Variants in WAC observed in about 807,000 individuals in gnomAD.
WAC encodes WW domain containing adaptor with coiled-coil.
A neutral mutation model predicts 79.6 loss-of-function variants in WAC; 11 were observed. The ratio of observed to expected loss-of-function variants is 0.14; its 90% CI spans 0.09 to 0.23. WAC has a LOEUF of 0.23. Ranked by LOEUF, WAC falls within the 10% of genes least tolerant of loss-of-function variation. The probability of loss-of-function intolerance (pLI) is 1.00; values close to 1 mark genes in which losing one functional copy is unlikely to be tolerated. For missense variants in WAC, 728 were observed against 773.5 expected (o/e 0.94, Z 0.70); for synonymous variants, 304 against 276.9 (o/e 1.10, Z -0.97).
Position 28,589,716 on chromosome 10 carries a change from G to A in WAC, c.382-20G>A. Reference sequence around the variant, plus strand: ...TAAATAGTATTAACATTTTCTAATTGTAAAAAATATATTTTTAAGCCTTAT... The same window carrying A: ...TAAATAGTATTAACATTTTCTAATTATAAAAAATATATTTTTAAGCCTTAT... On this transcript the variant is annotated intron_variant, in intron 4 of 13. Transcript: ENST00000354911. 1 of 1,486,702 alleles carries A rather than the reference G, an allele frequency of 6.7e-7. No homozygotes were observed. The highest frequency in any genetic ancestry group is 9.3e-7 in the Non-Finnish European group (1 of 1,077,672). 92.1% of individuals were successfully genotyped at this position (1,486,702 alleles called of 1,614,324 possible).
intron 3 of WAC, among the ~76,000 whole-genome samples, chr10:28,567,607 A>G (rs2132526744): frequency 6.6e-6 from 1 of 152,222 alleles, no homozygotes; most frequent in East Asian, 1.9e-4. Context: ...AATTCTCTAC[A>G]TCACTGGGCC....
At chr10:28,578,083 C>A (rs180805194) in intron 3 of WAC, among the ~76,000 whole-genome samples, 1 of 152,078 alleles carries the variant, frequency 6.6e-6, no homozygotes, top group Admixed American at 6.6e-5. Flanking sequence ...CTCTTGAGCC[C>A]GGGAGGCAGA....
At chr10:28,552,190 T>C (rs1347688550) in intron 3 of WAC, among the ~76,000 whole-genome samples, 1 of 152,202 alleles carries the variant, frequency 6.6e-6, no homozygotes, top group Admixed American at 6.5e-5. Context: ...TTTTTTTTCC[T>C]CTTAGTATTT....
chr10:28,595,399 ATAT>A (rs1377238435), intron 6 of WAC, among the ~76,000 whole-genome samples: 2 of 150,782 alleles, frequency 1.3e-5, no homozygotes, highest in African/African-American at 4.9e-5. Flanking sequence ...ATTTTATAAG[ATAT>A]TATAACTCCA....
chr10:28,557,812 C>T (rs1045337346), intron 3 of WAC, among the ~76,000 whole-genome samples: 9 of 152,254 alleles, frequency 5.9e-5, no homozygotes, highest in African/African-American at 2.2e-4. Flanking sequence ...CAGTGGCTCA[C>T]GCCTGTAATC....
chr10:28,562,520 A>G (rs1322192503), intron 3 of WAC, among the ~76,000 whole-genome samples: 1 of 152,202 alleles, frequency 6.6e-6, no homozygotes, highest in Non-Finnish European at 1.5e-5. Context: ...TTGGTCTGGT[A>G]TGTATTGTCT....
In WAC at chr10:28,569,898, A is replaced by T. The variant is rs76911847; in HGVS notation, c.275-13501A>T. On this transcript the variant is annotated intron_variant, in intron 3 of 13. Coordinates refer to ENST00000354911, the MANE Select transcript of WAC (RefSeq NM_016628.5). ...GCAATATGTACTTTCCCTTGAATAA[A>T]CAACCATTTCATAGTTCAACAGCAC... Among the ~76,000 whole-genome samples the T allele has an allele frequency of 9.8e-3, 1,489 of 152,320 alleles. 16 individuals are homozygous for T. The highest frequency in any genetic ancestry group is 0.014 in the Non-Finnish European group (942 of 68,026).
At chr10:28,575,898 T>TA (rs2132579525) in intron 3 of WAC, among the ~76,000 whole-genome samples, 1 of 152,346 alleles carries the variant, frequency 6.6e-6, no homozygotes, top group African/African-American at 2.4e-5. Context: ...GGTGATCTCA[T>TA]AATGTATTTT....
At chr10:28,603,661 G>T (rs1014958297) in intron 7 of WAC, among the ~76,000 whole-genome samples, 1 of 151,804 alleles carries the variant, frequency 6.6e-6, no homozygotes, top group African/African-American at 2.4e-5. Flanking sequence ...GGCCAGGTGC[G>T]GTAGCTCACG....
rs145430177 is a variant in WAC, at chr10:28,585,947, G to T, written c.381+2442G>T. Among the ~76,000 whole-genome samples, 15 of 152,280 alleles carry T rather than the reference G, an allele frequency of 9.9e-5. No individual in the cohort carries two copies. In the East Asian group the frequency reaches 1.4e-3, roughly 14 times the overall value. On this transcript the variant is annotated intron_variant, in intron 4 of 13. Transcript: ENST00000354911. ...AATGATTCAAATCATAAGGGTGTCA[G>T]GGAACTTAATTATGTGAGTGAAAGT...
At chr10:28,601,284 C>A (rs1840635204) in intron 7 of WAC, among the ~76,000 whole-genome samples, 1 of 152,102 alleles carries the variant, frequency 6.6e-6, no homozygotes, top group Admixed American at 6.6e-5. Context: ...AGAAGATATC[C>A]TGGTGGCCAG....
rs373719749 is a variant in WAC, at chr10:28,537,390, T to G, written c.274+1633T>G. Among the ~76,000 whole-genome samples the G allele has an allele frequency of 1.4e-4, 22 of 152,340 alleles. No homozygotes were observed. The East Asian group carries it at 3.9e-3, about 27-fold the overall frequency. Reference sequence around the variant, plus strand: ...TAGCTCTTGGAGAGCAGGTACTGGTTGTACTATACTGTATTTATTTTGAAA... The same window carrying G: ...TAGCTCTTGGAGAGCAGGTACTGGTGGTACTATACTGTATTTATTTTGAAA... On this transcript the variant is annotated intron_variant, in intron 3 of 13. Transcript: ENST00000354911.
At chr10:28,613,779 TG>T (rs773486381) in intron 10 of WAC, among the ~76,000 whole-genome samples, 9 of 152,184 alleles carry the variant, frequency 5.9e-5, no homozygotes, top group Non-Finnish European at 1.2e-4. Context: ...CATCTGCCTT[TG>T]TGCCTCAATT....
In WAC at chr10:28,608,260, C is replaced by T; in HGVS notation, c.994C>T (p.Pro332Ser). Reference sequence around the variant, plus strand: ...CACGTCTTCTGCCTCTGGACTGAACCCCACATCTGCACCTCCAACATCTGC... The same window carrying T: ...CACGTCTTCTGCCTCTGGACTGAACTCCACATCTGCACCTCCAACATCTGC... Reference protein sequence around the residue: ...PSTSSASGLNPTSAPPTSASA... With the variant: ...PSTSSASGLNSTSAPPTSASA... The change falls in exon 8 of 14, where the codon CCC (proline) becomes TCC (serine). Residue 332 changes from proline to serine, a missense_variant. Transcript: ENST00000354911. The T allele has an allele frequency of 6.2e-7, 1 of 1,614,142 alleles. No homozygotes were observed. Among genetic ancestry groups the T allele is most frequent in the Non-Finnish European group, 8.5e-7 (1 of 1,180,022 alleles).
At chr10:28,615,860 T>TA in intron 11 of WAC, 1 of 223,120 alleles carries the variant, frequency 4.5e-6, no homozygotes. Context: ...CTACAGCTGT[T>TA]AAAATGTGAC....
rs1328825472 is a variant in WAC, at chr10:28,614,684, A to T, written c.1555A>T (p.Ser519Cys). Residue 519 changes from serine to cysteine, a missense_variant and splice_region_variant, in exon 11 of 14, where the codon AGT (serine) becomes TGT (cysteine). By Grantham distance (112) the Ser-to-Cys change is moderately radical. This residue lies in a region of WAC where 648 missense variants were observed against 661.5 expected (regional missense o/e 0.98). Coordinates refer to ENST00000354911, the MANE Select transcript of WAC (RefSeq NM_016628.5). ...CTCTCCTCGAAGTCTTCAGCGCTCA[A>T]GGTAGGTTGATATTGTATATTGAGA... The part of the protein sequence containing the change: ...PVSPRSLQRS[S>C]SQRSPSPGPN... 8.7e-6 allele frequency: 14 copies of T among 1,611,712 alleles called. No individual in the cohort carries two copies. The highest frequency in any genetic ancestry group is 1.2e-5 in the Non-Finnish European group (14 of 1,177,926).
chr10:28,560,008 A>G (rs1327538431), intron 3 of WAC, among the ~76,000 whole-genome samples: 1 of 152,138 alleles, frequency 6.6e-6, no homozygotes, highest in African/African-American at 2.4e-5. Flanking sequence ...ATTCTGGATA[A>G]TTTTGAAAGA....
chr10:28,597,540 A>G (rs1840443323), intron 7 of WAC, among the ~76,000 whole-genome samples: 1 of 152,078 alleles, frequency 6.6e-6, no homozygotes, highest in African/African-American at 2.4e-5. Context: ...TCCTGCTTAC[A>G]TATCAGCATC....
intron 10 of WAC, among the ~76,000 whole-genome samples, chr10:28,613,095 T>C (rs1841322468): frequency 6.6e-6 from 1 of 151,996 alleles, no homozygotes; most frequent in South Asian, 2.1e-4. Context: ...CAAGACCCCA[T>C]CTCTACAAAA....
Sources: allele counts gnomAD v4.1 joint callset (sites outside exome capture counted in the v4.1 genomes callset), GRCh38; gene constraint gnomAD v4.1.1; regional missense constraint gnomAD v4.1.1; transcripts MANE v1.5; gene names NCBI Gene and HGNC (gene_info 2026-07-23, HGNC 2026-07-21).